CRLF3: variants seen among roughly 807,000 people sequenced by gnomAD.
CRLF3 encodes the protein cytokine receptor-like factor 3.
In CRLF3, 33 loss-of-function variants were observed where a neutral mutation model predicts 55.0. The ratio of observed to expected loss-of-function variants is 0.60; its 90% CI spans 0.46 to 0.80. The LOEUF is 0.80. Among genes scored for constraint, CRLF3 ranks in the 30% least tolerant of loss-of-function variants. CRLF3 has a pLI of 0.00. For missense variants in CRLF3, 494 were observed against 538.4 expected, an observed-to-expected ratio of 0.92 and a Z score of 0.82; for synonymous variants, 238 against 196.8, an observed-to-expected ratio of 1.21 and a Z score of -1.75.
At chr17:30,809,500 C>T (rs892960465) in intron 1 of CRLF3, 1 of 152,306 alleles carries the variant, frequency 6.6e-6, no homozygotes, top group African/African-American at 2.4e-5. Flanking sequence ...TCCATGCGTT[C>T]ACTGTTAACT....
At chr17:30,807,719 G>A (rs1158485033) in intron 1 of CRLF3, among the ~76,000 whole-genome samples, 1 of 151,612 alleles carries the variant, frequency 6.6e-6, no homozygotes, top group African/African-American at 2.4e-5. Context: ...TTTTAGTAGA[G>A]ACAAAGTTTC....
At chr17:30,816,204 C>T (rs1904799404) in intron 1 of CRLF3, among the ~76,000 whole-genome samples, 2 of 151,272 alleles carry the variant, frequency 1.3e-5, no homozygotes, top group East Asian at 3.9e-4. Context: ...ATCACTCGAA[C>T]CCGGAAAGCA....
intron 5 of CRLF3, 99 bp downstream of exon 5, chr17:30,793,351 T>C: frequency 1.2e-6 from 1 of 831,124 alleles, no homozygotes; most frequent in Non-Finnish European, 2.0e-6. Flanking sequence ...TCAGGATCTA[T>C]GCTTAGAATA....
intron 1 of CRLF3, chr17:30,810,076 T>C (rs1447200168): frequency 6.6e-6 from 1 of 152,196 alleles, no homozygotes; most frequent in African/African-American, 2.4e-5. Flanking sequence ...GGACAACCAA[T>C]CAGCTTCAAA....
chr17:30,813,570 T>G lies in CRLF3; in HGVS notation c.130-9462A>C, dbSNP rs548213982. On this transcript the variant is annotated intron_variant, in intron 1 of 7. Coordinates refer to ENST00000324238, the MANE Select transcript of CRLF3 (RefSeq NM_015986.4). The stretch of plus-strand genomic sequence containing the variant: ...TTAGTATTATTATGGCTGACATTAA[T>G]TAAGAATCTCCTATGTCCTAGGCAC... Among the ~76,000 whole-genome samples, 307 of 152,194 alleles carry G rather than the reference T, an allele frequency of 2.0e-3. 1 individual carries two copies. The highest frequency in any genetic ancestry group is 7.1e-3 in the African/African-American group (294 of 41,506).
chr17:30,796,717 G>T (rs1023957676), intron 3 of CRLF3, among the ~76,000 whole-genome samples: 1 of 150,002 alleles, frequency 6.7e-6, no homozygotes, highest in Non-Finnish European at 1.5e-5. Flanking sequence ...GTAATGGGCA[G>T]TGAAACGCTT....
intron 1 of CRLF3, among the ~76,000 whole-genome samples, chr17:30,811,638 C>T (rs1019898570): frequency 6.6e-6 from 1 of 151,086 alleles, no homozygotes; most frequent in Middle Eastern, 3.4e-3. Context: ...CCCGTCTCTA[C>T]TAAAAATACA....
At chr17:30,789,854 C>T (rs1011617353) in intron 6 of CRLF3, among the ~76,000 whole-genome samples, 4 of 152,096 alleles carry the variant, frequency 2.6e-5, no homozygotes, top group Admixed American at 2.6e-4. Context: ...TCTGTCATTG[C>T]ACAGAAATAC....
chr17:30,812,884 A>T (rs896422263), intron 1 of CRLF3, among the ~76,000 whole-genome samples: 1 of 152,172 alleles, frequency 6.6e-6, no homozygotes, highest in African/African-American at 2.4e-5. Flanking sequence ...GAAGGGAGGA[A>T]GACAGGGAGA....
In CRLF3 at chr17:30,792,576, T is replaced by C. The variant is rs2142250430; in HGVS notation, c.827-4A>G. ...CCCTCAAAACCAGCTGTCCACTCTT[T>C]TTCAAAGCAAAGATATTGAAAACTG... On this transcript the variant is annotated splice_region_variant and splice_polypyrimidine_tract_variant and intron_variant, in intron 5 of 7. Transcript: ENST00000324238. 6.3e-7 allele frequency: 1 copy of C among 1,590,694 alleles called. No individual in the cohort carries two copies. Among genetic ancestry groups the C allele is most frequent in the Non-Finnish European group, 8.6e-7 (1 of 1,160,852 alleles).
intron 4 of CRLF3, among the ~76,000 whole-genome samples, chr17:30,794,986 C>T (rs969056372): frequency 6.6e-6 from 1 of 152,018 alleles, no homozygotes. Flanking sequence ...TCTAAGAAGA[C>T]CTCATAATTT....
At position 30,784,430 on chromosome 17, in the gene CRLF3, G is replaced by C. The variant is rs1023275277; in HGVS notation, c.1086C>G (p.Val362=). 4 of 1,611,704 alleles carry C rather than the reference G, an allele frequency of 2.5e-6. No homozygotes were observed. Among genetic ancestry groups the C allele is most frequent in the Non-Finnish European group, 3.4e-6 (4 of 1,178,134 alleles). Residue 362 remains valine (V), a synonymous_variant, in exon 8 of 8, where the codon GTC becomes GTG. Coordinates refer to ENST00000324238, the MANE Select transcript of CRLF3 (RefSeq NM_015986.4). ...ACTGATTTGTCATTTCTTTTCCATT[G>C]ACAAAAACTGCACCTAAAATGTTAA... is the stretch of plus-strand genomic sequence containing the variant. ...VCISTNGAVF[V]NGKEMTNQLP...
Position 30,824,638 on chromosome 17 carries a change from A to C in CRLF3, c.14T>G (p.Met5Arg). 6.3e-7 allele frequency: 1 copy of C among 1,597,366 alleles called. No individual in the cohort carries two copies. Among genetic ancestry groups the C allele is most frequent in the East Asian group, 2.3e-5 (1 of 43,942 alleles). The change falls in exon 1 of 8, where the codon ATG (methionine) becomes AGG (arginine). Residue 5 changes from methionine (M) to arginine (R), a missense_variant. Transcript: ENST00000324238. ...CAACAGCAGCTCAGGCTCCAGCTCC[A>C]TCGCCCCCCTCATCTGGCCGCGCGG... MRGA[M>R]ELEPELLLQE...
intron 6 of CRLF3, among the ~76,000 whole-genome samples, chr17:30,790,289 G>C (rs1015056828): frequency 2.0e-5 from 3 of 152,154 alleles, no homozygotes; most frequent in African/African-American, 7.2e-5. Context: ...GTTACACTAA[G>C]GTGAGTATGG....
intron 6 of CRLF3, among the ~76,000 whole-genome samples, chr17:30,792,163 A>G (rs1971815877): frequency 6.6e-6 from 1 of 152,146 alleles, no homozygotes; most frequent in Non-Finnish European, 1.5e-5. Context: ...TTGACTTTTG[A>G]GAGATACTCT....
rs1229725414 is a variant in CRLF3 at position 30,824,681 on chromosome 17, G to T, written c.-30C>A. 1.9e-6 allele frequency: 3 copies of T among 1,579,734 alleles called. No individual in the cohort carries two copies. Among genetic ancestry groups the T allele is most frequent in the East Asian group, 4.7e-5 (2 of 42,538 alleles). On this transcript the variant is annotated 5_prime_UTR_variant, in exon 1 of 8. Coordinates refer to ENST00000324238, the MANE Select transcript of CRLF3 (RefSeq NM_015986.4). ...CCGCGCGGCCGGCGAAACCTAGCGCGGGTTCCCGACTGCACCGGGCGCCTC... is the reference window on the plus strand; with the variant it reads ...CCGCGCGGCCGGCGAAACCTAGCGCTGGTTCCCGACTGCACCGGGCGCCTC...
intron 2 of CRLF3, chr17:30,803,661 T>G: frequency 2.1e-6 from 1 of 479,206 alleles, no homozygotes; most frequent in Non-Finnish European, 3.8e-6. Context: ...ATAACTCTCA[T>G]GAGATCTAAT....
chr17:30,794,649 C>T (rs750371194), intron 4 of CRLF3, among the ~76,000 whole-genome samples: 44 of 151,952 alleles, frequency 2.9e-4, no homozygotes, highest in Non-Finnish European at 4.9e-4. Flanking sequence ...AATTACAAAA[C>T]TTAGCTGGCT....
At chr17:30,785,531 G>A (rs1397519745) in intron 7 of CRLF3, among the ~76,000 whole-genome samples, 1 of 151,518 alleles carries the variant, frequency 6.6e-6, no homozygotes, top group Non-Finnish European at 1.5e-5. Context: ...TGTAATCCCA[G>A]CACTTTGGGA....
Sources: allele counts gnomAD v4.1 joint callset (sites outside exome capture counted in the v4.1 genomes callset), GRCh38; gene constraint gnomAD v4.1.1; transcripts MANE v1.5; gene names NCBI Gene and HGNC (gene_info 2026-07-23, HGNC 2026-07-21).